The following VSTM1 variants were observed in gnomAD, a reference collection of about 807,000 sequenced individuals.
VSTM1 encodes the protein V-set and transmembrane domain-containing protein 1.
In VSTM1, 27 loss-of-function variants were observed where a neutral mutation model predicts 33.1. That is an observed-to-expected ratio of 0.82 (90% CI 0.60 to 1.12). The LOEUF (loss-of-function observed/expected upper bound fraction) is 1.12. Among genes scored for constraint, VSTM1 ranks in the 50% most tolerant of loss-of-function variants. The pLI, the probability that VSTM1 is intolerant of heterozygous loss-of-function variation, is 0.00. For synonymous variants in VSTM1, 115 were observed against 110.3 expected, an observed-to-expected ratio of 1.04 and a Z score of -0.27; for missense variants, 304 against 288.9, an observed-to-expected ratio of 1.05 and a Z score of -0.38.
At chr19:54,058,791 G>A in intron 1 of VSTM1, 59 bp from the exon 2 acceptor site, 3 of 1,517,730 alleles carry the variant, frequency 2.0e-6, no homozygotes, top group Non-Finnish European at 2.7e-6. Context: ...TACAAATCCA[G>A]CAGAGAACGT....
In VSTM1 at chr19:54,041,792, C is replaced by G; in HGVS notation, c.578G>C (p.Arg193Thr). 6.2e-7 allele frequency: 1 copy of G among 1,613,762 alleles called. No homozygotes were observed. Among genetic ancestry groups the G allele is most frequent in the South Asian group, 1.1e-5 (1 of 91,008 alleles). Residue 193 changes from arginine to threonine, a missense_variant, in exon 8 of 9, where the codon AGG (arginine) becomes ACG (threonine). Physicochemically the swap from Arg to Thr is moderately conservative, Grantham distance 71. Coordinates refer to ENST00000338372, the MANE Select transcript of VSTM1 (RefSeq NM_198481.4). ...GGGAGGACTCACCGAGAGAGATACC[C>G]TTTCCATATTGGATAAATCTGCCTC... The part of the protein sequence containing the change: ...AAEADLSNME[R>T]VSLSTADPQG...
intron 6 of VSTM1, 67 bp from the exon 7 acceptor site, chr19:54,042,020 G>A (rs67563163): frequency 0.07 from 113,026 of 1,608,388 alleles, 4,846 homozygotes; most frequent in African/African-American, 0.16. Context: ...GAGGGCAATG[G>A]AGGGGAGAGG....
At chr19:54,041,359 T>C (rs4806690) in intron 8 of VSTM1, among the ~76,000 whole-genome samples, 30,940 of 151,960 alleles carry the variant, frequency 0.2, 3,545 homozygotes, top group African/African-American at 0.29. Context: ...TGGAGTGCGG[T>C]GGCGTGATCT....
At chr19:54,063,218 G>A (rs1394606876) in intron 1 of VSTM1, among the ~76,000 whole-genome samples, 1 of 151,784 alleles carries the variant, frequency 6.6e-6, no homozygotes, top group Non-Finnish European at 1.5e-5. Flanking sequence ...TGCACCTGTA[G>A]TCCCACCTAC....
intron 1 of VSTM1, among the ~76,000 whole-genome samples, chr19:54,062,721 CAAA>C (rs35069136): frequency 3.7e-5 from 5 of 135,368 alleles, no homozygotes; most frequent in African/African-American, 1.1e-4. Context: ...AAGACTCTGT[CAAA>C]AAAAAAAAAA....
chr19:54,062,856 C>T (rs1378223003), intron 1 of VSTM1, among the ~76,000 whole-genome samples: 1 of 152,174 alleles, frequency 6.6e-6, no homozygotes, highest in Non-Finnish European at 1.5e-5. Flanking sequence ...ACCGCACCCC[C>T]CGTGCACCAG....
Position 54,063,760 on chromosome 19 carries a change from G to A in VSTM1, c.18C>T (p.Leu6=). The change falls in exon 1 of 9, where the codon CTC becomes CTT. Residue 6 remains leucine, a synonymous_variant. Coordinates refer to ENST00000338372, the MANE Select transcript of VSTM1 (RefSeq NM_198481.4). Reference sequence around the variant, plus strand: ...GAGACTCACCGAGGCAAAGCAGGGAGAGGAATTCTGCGGTCATAGCGTCCC... The same window carrying A: ...GAGACTCACCGAGGCAAAGCAGGGAAAGGAATTCTGCGGTCATAGCGTCCC... The part of the protein sequence containing the change: MTAEF[L]SLLCLGLCLG... The A allele has an allele frequency of 1.9e-6, 3 of 1,613,906 alleles. No homozygotes were observed. The highest frequency in any genetic ancestry group is 1.3e-5 in the African/African-American group (1 of 75,040).
intron 4 of VSTM1, among the ~76,000 whole-genome samples, chr19:54,044,238 A>G (rs2070460315): frequency 6.6e-6 from 1 of 152,142 alleles, no homozygotes; most frequent in Admixed American, 6.6e-5. Context: ...GATTCCTAAT[A>G]AGAACAGGGT....
chr19:54,058,618 T>A, intron 2 of VSTM1, 28 bp from the exon 3 acceptor site: 9 of 1,612,650 alleles, frequency 5.6e-6, no homozygotes, highest in Non-Finnish European at 7.6e-6. Flanking sequence ...TTAATTTGAG[T>A]CTAGAATTCA....
intron 6 of VSTM1, 90 bp from the exon 7 acceptor site, chr19:54,042,043 G>C: frequency 6.2e-7 from 1 of 1,605,774 alleles, no homozygotes; most frequent in South Asian, 1.1e-5. Context: ...GGGAGAAGAA[G>C]GGAGAGGAGG....
chr19:54,042,837 T>TATATACACAC, intron 4 of VSTM1, among the ~76,000 whole-genome samples: 1 of 66,414 alleles, frequency 1.5e-5, no homozygotes, highest in South Asian at 4.0e-4. Context: ...TATATATATA[T>TATATACACAC]ACATATATAT....
intron 3 of VSTM1, among the ~76,000 whole-genome samples, chr19:54,057,336 T>C (rs1310722550): frequency 1.8e-5 from 2 of 112,870 alleles, no homozygotes; most frequent in Non-Finnish European, 3.9e-5. Context: ...CTGGGCAACA[T>C]AGATCCTGTC....
chr19:54,058,384 T>C lies in VSTM1; in HGVS notation c.277A>G (p.Arg93Gly). ...FTDLKPKDAGRYFCAYKTTAS... is the reference protein window; with the variant it reads ...FTDLKPKDAGGYFCAYKTTAS... ...GTTGTCTTGTAGGCACAAAAGTACC[T>C]CCCAGCATCCTTAGGCTTCAGGTCC... is the stretch of plus-strand genomic sequence containing the variant. Residue 93 changes from arginine to glycine, a missense_variant, in exon 3 of 9, where the codon AGG becomes GGG. Physicochemically the swap from Arg to Gly is moderately radical, Grantham distance 125. Coordinates refer to ENST00000338372, the MANE Select transcript of VSTM1 (RefSeq NM_198481.4). The C allele has an allele frequency of 6.2e-7, 1 of 1,614,102 alleles. No individual in the cohort carries two copies. Among genetic ancestry groups the C allele is most frequent in the Non-Finnish European group, 8.5e-7 (1 of 1,180,024 alleles).
rs2071129312 is a variant in VSTM1 at position 54,056,973 on chromosome 19, A to G, written c.355+1333T>C. 2.2e-5 allele frequency among the ~76,000 whole-genome samples: 3 copies of G among 139,390 alleles called. 1 individual carries two copies. Among genetic ancestry groups the G allele is most frequent in the Non-Finnish European group, 4.7e-5 (3 of 63,602 alleles). The allele number at this position is 139,390 out of a possible 152,430, so 91.4% of individuals were successfully genotyped here. A position where few individuals can be genotyped will look rare whatever the true frequency, so the allele number is the denominator to read the frequency against. On this transcript the variant is annotated intron_variant, in intron 3 of 8. Coordinates refer to ENST00000338372, the MANE Select transcript of VSTM1 (RefSeq NM_198481.4). ...GCTCAAGAGATTCTCTTCCTGCCTC[A>G]GCCTCCCTAGTAGCTGGGATTACAG...
chr19:54,060,621 A>G (rs1649127), intron 1 of VSTM1, among the ~76,000 whole-genome samples: 1,550 of 152,202 alleles, frequency 0.01, 36 homozygotes, highest in African/African-American at 0.036. Flanking sequence ...ACCCTCCCCA[A>G]ATCCCGCTTT....
intron 4 of VSTM1, among the ~76,000 whole-genome samples, 178 bp downstream of exon 4, chr19:54,051,232 C>T (rs2070825454): frequency 6.6e-6 from 1 of 152,190 alleles, no homozygotes; most frequent in Admixed American, 6.5e-5. Context: ...GCGAAGGTTG[C>T]AGTGAGCTGA....
intron 3 of VSTM1, among the ~76,000 whole-genome samples, chr19:54,054,108 G>C (rs2070973919): frequency 7.0e-6 from 1 of 141,864 alleles, no homozygotes; most frequent in Non-Finnish European, 1.6e-5. Flanking sequence ...ATAATAAAGT[G>C]ATTTGCAAAG....
At chr19:54,042,024 G>A (rs2070306347) in intron 6 of VSTM1, 71 bp from the exon 7 acceptor site, 1 of 1,606,688 alleles carries the variant, frequency 6.2e-7, no homozygotes, top group Non-Finnish European at 8.5e-7. Context: ...GCAATGGAGG[G>A]GAGAGGAAGG....
chr19:54,041,328 G>T (rs1227958311), intron 8 of VSTM1, among the ~76,000 whole-genome samples: 1 of 151,764 alleles, frequency 6.6e-6, no homozygotes, highest in East Asian at 1.9e-4. Context: ...TTGGGACAGA[G>T]TCTGGCTCTG....
Sources: allele counts gnomAD v4.1 joint callset (sites outside exome capture counted in the v4.1 genomes callset), GRCh38; gene constraint gnomAD v4.1.1; transcripts MANE v1.5; gene names NCBI Gene and HGNC (gene_info 2026-07-23, HGNC 2026-07-21).